RAMP3: variants seen among roughly 807,000 people sequenced by gnomAD.
RAMP3 encodes the protein receptor activity modifying protein 3, also known as receptor activity-modifying protein 3.
A neutral mutation model predicts 13.5 loss-of-function variants in RAMP3; 14 were observed. That is an observed-to-expected ratio of 1.04 (90% CI 0.69 to 1.63). The LOEUF (loss-of-function observed/expected upper bound fraction) is 1.63, where lower values mean the gene tolerates loss of function less well. Ranked by LOEUF, RAMP3 falls within the 40% of genes most tolerant of loss-of-function variation. The probability of loss-of-function intolerance (pLI) is 0.00; values close to 1 mark genes in which losing one functional copy is unlikely to be tolerated. For missense variants in RAMP3, 200 were observed against 204.8 expected, an observed-to-expected ratio of 0.98 and a Z score of 0.14; for synonymous variants, 106 against 88.3, an observed-to-expected ratio of 1.20 and a Z score of -1.12.
At chr7:45,162,503 G>A (rs540185263) in intron 1 of RAMP3, among the ~76,000 whole-genome samples, 1 of 152,340 alleles carries the variant, frequency 6.6e-6, no homozygotes, top group African/African-American at 2.4e-5. Context: ...ATGGTGACAT[G>A]CCACCTGGAG....
chr7:45,183,081 T>C (rs1584080584), intron 2 of RAMP3, 76 bp from the exon 3 acceptor site: 1 of 1,573,526 alleles, frequency 6.4e-7, no homozygotes, highest in Non-Finnish European at 8.6e-7. Flanking sequence ...ACCCCACCCA[T>C]CTTCCTGGCC....
intron 1 of RAMP3, among the ~76,000 whole-genome samples, chr7:45,170,462 C>T (rs6951362): frequency 0.26 from 39,845 of 151,574 alleles, 6,359 homozygotes; most frequent in African/African-American, 0.44. Flanking sequence ...CTCAGCCTCT[C>T]GAGTAGCTAG....
intron 1 of RAMP3, among the ~76,000 whole-genome samples, chr7:45,175,590 C>G (rs1054595198): frequency 1.3e-5 from 2 of 152,192 alleles, no homozygotes; most frequent in South Asian, 2.1e-4. Flanking sequence ...GAAGAAGGTG[C>G]CTTGAGTCTG....
chr7:45,177,557 C>T, intron 2 of RAMP3, 116 bp downstream of exon 2: 1 of 1,475,952 alleles, frequency 6.8e-7, no homozygotes, highest in South Asian at 1.3e-5. Flanking sequence ...ATGCCTCACC[C>T]ACAACCCACC....
chr7:45,177,180 T>C, intron 1 of RAMP3, 129 bp from the exon 2 acceptor site: 1 of 1,243,726 alleles, frequency 8.0e-7, no homozygotes, highest in Non-Finnish European at 1.1e-6. Flanking sequence ...AGGACTCCGC[T>C]GGAACGGTCT....
rs551948537 is a variant in RAMP3, at chr7:45,182,992, C to T, written c.192-165C>T. 2.0e-5 allele frequency among the ~76,000 whole-genome samples: 3 copies of T among 152,208 alleles called. No individual in the cohort carries two copies. In the East Asian group the frequency reaches 5.8e-4, roughly 29 times the overall value. On this transcript the variant is annotated intron_variant, in intron 2 of 2. Coordinates refer to ENST00000242249, the MANE Select transcript of RAMP3 (RefSeq NM_005856.3). ...GGACACAGGGAATGGGTCATGGGCA[C>T]AGATGACCCTGTGGCCAGAATGGGG...
chr7:45,183,457 A>G lies in RAMP3; in HGVS notation c.*45A>G. The G allele has an allele frequency of 6.3e-7, 1 of 1,598,992 alleles. No homozygotes were observed. The highest frequency in any genetic ancestry group is 1.1e-5 in the South Asian group (1 of 90,952). On this transcript the variant is annotated 3_prime_UTR_variant, in exon 3 of 3. Transcript: ENST00000242249. Reference sequence around the variant, plus strand: ...TGGGTCACACCTGGCAAGCTGGAAGAAAGTTCCCTGGGGATGGGAGAGCGG... The same window carrying G: ...TGGGTCACACCTGGCAAGCTGGAAGGAAGTTCCCTGGGGATGGGAGAGCGG...
chr7:45,165,608 G>A (rs775838243), intron 1 of RAMP3, among the ~76,000 whole-genome samples: 18 of 152,168 alleles, frequency 1.2e-4, no homozygotes, highest in Non-Finnish European at 2.4e-4. Context: ...TACATTCCTA[G>A]AATTTTGCAA....
intron 1 of RAMP3, 100 bp from the exon 2 acceptor site, chr7:45,177,209 C>A: frequency 6.7e-7 from 1 of 1,495,952 alleles, no homozygotes; most frequent in Non-Finnish European, 9.1e-7. Flanking sequence ...CAAACGGAGC[C>A]TTGCTAGTGA....
chr7:45,179,054 C>T (rs555581362), intron 2 of RAMP3, among the ~76,000 whole-genome samples: 1 of 152,328 alleles, frequency 6.6e-6, no homozygotes, highest in East Asian at 1.9e-4. Flanking sequence ...TCCACCCCAG[C>T]TGGACACTGG....
At chr7:45,166,807 G>A (rs1490004762) in intron 1 of RAMP3, among the ~76,000 whole-genome samples, 3 of 151,834 alleles carry the variant, frequency 2.0e-5, no homozygotes, top group Non-Finnish European at 4.4e-5. Flanking sequence ...ACAGAGGCTT[G>A]CTTTGTTGCC....
At position 45,174,557 on chromosome 7, in the gene RAMP3, C is replaced by T. The variant is rs1330782841; in HGVS notation, c.59-2752C>T. 2.0e-5 allele frequency among the ~76,000 whole-genome samples: 3 copies of T among 152,136 alleles called. No individual in the cohort carries two copies. In the South Asian group the frequency reaches 6.2e-4, roughly 31 times the overall value. On this transcript the variant is annotated intron_variant, in intron 1 of 2. Transcript: ENST00000242249. ...CCGATGGGGCCTGTGCATTTTTTAT[C>T]CCCCTATAGCCACTGCACCATCCCT...
At chr7:45,157,928 C>G in intron 1 of RAMP3, 42 bp downstream of exon 1, 1 of 1,329,178 alleles carries the variant, frequency 7.5e-7, no homozygotes, top group South Asian at 1.9e-5. Flanking sequence ...CCCCACTCCT[C>G]GGGGTTCACC....
At chr7:45,168,147 T>TCCC (rs955348619) in intron 1 of RAMP3, among the ~76,000 whole-genome samples, 3 of 151,906 alleles carry the variant, frequency 2.0e-5, no homozygotes, top group African/African-American at 7.3e-5. Context: ...ATGCCTGTAA[T>TCCC]CCCAGCACTT....
rs184763137 is a variant in RAMP3 at position 45,169,023 on chromosome 7, A to G, written c.59-8286A>G. Among the ~76,000 whole-genome samples the G allele has an allele frequency of 3.8e-3, 584 of 152,276 alleles. 2 individuals are homozygous for G. Among genetic ancestry groups the G allele is most frequent in the Non-Finnish European group, 5.9e-3 (399 of 68,030 alleles). On this transcript the variant is annotated intron_variant, in intron 1 of 2. Coordinates refer to ENST00000242249, the MANE Select transcript of RAMP3 (RefSeq NM_005856.3). ...TTTGTCAAATGCTTTTTCTGCATCA[A>G]TTGAGATGATCGTGTGGTTCCCCCC...
At chr7:45,180,545 C>G (rs1323855062) in intron 2 of RAMP3, among the ~76,000 whole-genome samples, 10 of 152,238 alleles carry the variant, frequency 6.6e-5, no homozygotes, top group Admixed American at 5.2e-4. Flanking sequence ...GGGGAGGAGT[C>G]TCATTGCCCC....
At position 45,174,405 on chromosome 7, in the gene RAMP3, G is replaced by A. The variant is rs535230839; in HGVS notation, c.59-2904G>A. Among the ~76,000 whole-genome samples, 277 of 152,308 alleles carry A rather than the reference G, an allele frequency of 1.8e-3. 2 individuals carry two copies. Among genetic ancestry groups the A allele is most frequent in the Non-Finnish European group, 3.5e-3 (240 of 68,030 alleles). Reference sequence around the variant, plus strand: ...GCTGGCCACTGTCCCCACACTGGCTGCTGTTCTTGGTCCATCTCTGGGCCA... The same window carrying A: ...GCTGGCCACTGTCCCCACACTGGCTACTGTTCTTGGTCCATCTCTGGGCCA... On this transcript the variant is annotated intron_variant, in intron 1 of 2. Coordinates refer to ENST00000242249, the MANE Select transcript of RAMP3 (RefSeq NM_005856.3).
Position 45,171,092 on chromosome 7 carries a change from G to A in RAMP3, c.59-6217G>A, listed in dbSNP as rs184626312. On this transcript the variant is annotated intron_variant, in intron 1 of 2. Transcript: ENST00000242249. The stretch of plus-strand genomic sequence containing the variant: ...TTTCTTTGGCCTATTGGTTATTTAG[G>A]AATGCTGTTTATTTTCTACATATTT... Among the ~76,000 whole-genome samples, 50 of 151,206 alleles carry A rather than the reference G, an allele frequency of 3.3e-4. No homozygotes were observed. The East Asian group carries it at 8.5e-3, about 26-fold the overall frequency.
rs146112154 is a variant in RAMP3, at chr7:45,172,544, T to C, written c.59-4765T>C. The stretch of plus-strand genomic sequence containing the variant: ...AGGCTAGAGTGCAGTGGCACGATCT[T>C]GGCTCACTGCAACCTCTGCCTCTTT... On this transcript the variant is annotated intron_variant, in intron 1 of 2. Transcript: ENST00000242249. Among the ~76,000 whole-genome samples the C allele has an allele frequency of 2.6e-5, 4 of 152,284 alleles. No homozygotes were observed. In the South Asian group the frequency reaches 8.3e-4, roughly 32 times the overall value.
Sources: gnomAD v4.1 joint callset for allele counts (sites outside exome capture counted in the v4.1 genomes callset) on GRCh38, gnomAD v4.1.1 for gene constraint, MANE v1.5 for transcripts, NCBI Gene and HGNC (gene_info 2026-07-23, HGNC 2026-07-21) for gene names.